The following SCARA3 variants were observed in gnomAD, a reference collection of about 807,000 sequenced individuals.
The protein encoded by SCARA3 is cellular stress response gene protein.
SCARA3 carries 39 observed loss-of-function variants against 47.0 expected under a neutral mutation model. The observed-to-expected ratio is 0.83, with a 90% CI of 0.64 to 1.08. The LOEUF is 1.08. SCARA3 is among the 50% of genes least tolerant of loss of function. The pLI, the probability that SCARA3 is intolerant of heterozygous loss-of-function variation, is 0.00. For missense variants in SCARA3, 724 were observed against 792.3 expected, an observed-to-expected ratio of 0.91 and a Z score of 1.04; for synonymous variants, 356 against 334.1, an observed-to-expected ratio of 1.07 and a Z score of -0.71.
In SCARA3 at chr8:27,642,761, C is replaced by T. The variant is rs146000798; in HGVS notation, c.8-6941C>T. On this transcript the variant is annotated intron_variant, in intron 1 of 5. Transcript: ENST00000301904. ...ATCGTTTGAACCCGGGAGGTCTAGGCGGCACTGAGCCATGATCGCACCACA... is the reference window on the plus strand; with the variant it reads ...ATCGTTTGAACCCGGGAGGTCTAGGTGGCACTGAGCCATGATCGCACCACA... Among the ~76,000 whole-genome samples, 232 of 152,158 alleles carry T rather than the reference C, an allele frequency of 1.5e-3. 6 individuals carry two copies. In the East Asian group the frequency reaches 0.023, roughly 15 times the overall value.
intron 5 of SCARA3, among the ~76,000 whole-genome samples, chr8:27,667,397 C>G (rs903854842): frequency 6.6e-6 from 1 of 152,202 alleles, no homozygotes; most frequent in Non-Finnish European, 1.5e-5. Context: ...TCTTCCTCCT[C>G]CAGGCAGCAC....
chr8:27,651,346 G>T (rs1253706952), intron 2 of SCARA3, among the ~76,000 whole-genome samples, 162 bp from the exon 3 acceptor site: 1 of 152,234 alleles, frequency 6.6e-6, no homozygotes, highest in Non-Finnish European at 1.5e-5. Flanking sequence ...AGCACCTAGA[G>T]AAAGGAGGTA....
At chr8:27,694,677 A>G in the SCARA3 span, among the ~76,000 whole-genome samples, 5 of 152,144 alleles carry the variant, frequency 3.3e-5, no homozygotes, top group Admixed American at 6.5e-5. Flanking sequence ...CAAGGAGCTT[A>G]CCTCCATGAT....
chr8:27,643,451 T>C, intron 1 of SCARA3, among the ~76,000 whole-genome samples: 1 of 152,152 alleles, frequency 6.6e-6, no homozygotes, highest in East Asian at 1.9e-4. Flanking sequence ...GGACAACTTG[T>C]TGAGCAAGAA....
At chr8:27,659,616 T>A (rs1801848065) in intron 5 of SCARA3, 77 bp downstream of exon 5, 1 of 1,305,952 alleles carries the variant, frequency 7.7e-7, no homozygotes, top group Non-Finnish European at 1.0e-6. Flanking sequence ...CAGAAGTACC[T>A]GGTTTTAGGC....
the SCARA3 span, among the ~76,000 whole-genome samples, chr8:27,698,473 G>A: frequency 6.6e-6 from 1 of 152,146 alleles, no homozygotes; most frequent in Non-Finnish European, 1.5e-5. Context: ...ATAAGGCAAG[G>A]ATCTCATCTC....
At chr8:27,719,614 C>T in the SCARA3 span, among the ~76,000 whole-genome samples, 12 of 151,650 alleles carry the variant, frequency 7.9e-5, no homozygotes, top group African/African-American at 2.7e-4. Flanking sequence ...TTCAGGGTAT[C>T]GGAGTTCTCA....
chr8:27,704,736 AG>A, the SCARA3 span, among the ~76,000 whole-genome samples: 1 of 150,522 alleles, frequency 6.6e-6, no homozygotes, highest in Non-Finnish European at 1.5e-5. Flanking sequence ...TCATATGACT[AG>A]TTTCTAGGAT....
rs141368241 is a variant in SCARA3, at chr8:27,661,797, G to A, written c.1369+2258G>A. Among the ~76,000 whole-genome samples, 134 of 152,194 alleles carry A rather than the reference G, an allele frequency of 8.8e-4. 1 individual carries two copies. Among genetic ancestry groups the A allele is most frequent in the African/African-American group, 2.9e-3 (119 of 41,488 alleles). On this transcript the variant is annotated intron_variant, in intron 5 of 5. Coordinates refer to ENST00000301904, the MANE Select transcript of SCARA3 (RefSeq NM_016240.3). ...AAACCTTCCCTCCTGAAGGGTCTGG[G>A]CTATAGTATTTCTACCTGGGTGGGG...
chr8:27,636,619 T>A (rs2128913767), intron 1 of SCARA3, among the ~76,000 whole-genome samples: 1 of 152,244 alleles, frequency 6.6e-6, no homozygotes, highest in Admixed American at 6.5e-5. Context: ...AAGCCCTGCC[T>A]CTCTCCTCCT....
At chr8:27,696,068 G>A in the SCARA3 span, among the ~76,000 whole-genome samples, 1 of 151,340 alleles carries the variant, frequency 6.6e-6, no homozygotes, top group African/African-American at 2.4e-5. Context: ...GGAGTGTAGT[G>A]GCATGATCAT....
intron 3 of SCARA3, among the ~76,000 whole-genome samples, chr8:27,654,803 GAA>G (rs67948560): frequency 0.16 from 16,103 of 100,684 alleles, 1,067 homozygotes; most frequent in East Asian, 0.37. Flanking sequence ...AAAAAAAAAA[GAA>G]AAAGAAAAAA....
chr8:27,633,515 G>A (rs1299243848), upstream of SCARA3, among the ~76,000 whole-genome samples: 1 of 152,180 alleles, frequency 6.6e-6, no homozygotes, highest in Non-Finnish European at 1.5e-5. Context: ...AACGTGCAGG[G>A]CTAAAATCTG....
At chr8:27,685,799 T>C in the SCARA3 span, among the ~76,000 whole-genome samples, 1 of 152,184 alleles carries the variant, frequency 6.6e-6, no homozygotes, top group South Asian at 2.1e-4. Flanking sequence ...TCTAGACCTA[T>C]CTTCAGTTTA....
chr8:27,667,899 G>A lies in SCARA3; in HGVS notation c.1370-3001G>A, dbSNP rs896476234. Among the ~76,000 whole-genome samples, 5 of 152,184 alleles carry A rather than the reference G, an allele frequency of 3.3e-5. No individual in the cohort carries two copies. The East Asian group carries it at 7.8e-4, about 24-fold the overall frequency. ...ATGTAGACAGGCCCCCGATAACATC[G>A]TCCACTCTATCTTCTCCCGGCCGCT... On this transcript the variant is annotated intron_variant, in intron 5 of 5. Coordinates refer to ENST00000301904, the MANE Select transcript of SCARA3 (RefSeq NM_016240.3).
chr8:27,708,482 C>A, the SCARA3 span, among the ~76,000 whole-genome samples: 10 of 152,062 alleles, frequency 6.6e-5, no homozygotes, highest in East Asian at 1.2e-3. Context: ...ATAGTAAGAG[C>A]TACACAATCT....
At chr8:27,654,684 C>T (rs1021930626) in intron 3 of SCARA3, among the ~76,000 whole-genome samples, 1 of 151,226 alleles carries the variant, frequency 6.6e-6, no homozygotes, top group Admixed American at 6.6e-5. Context: ...TGGCTACTTA[C>T]GAGGCTGAAG....
the SCARA3 span, chr8:27,697,528 A>T: frequency 6.6e-6 from 1 of 152,114 alleles, no homozygotes. Flanking sequence ...ATCATATCCC[A>T]CTGTGCCCTA....
At chr8:27,702,662 G>C in the SCARA3 span, 1 of 152,378 alleles carries the variant, frequency 6.6e-6, no homozygotes, top group Non-Finnish European at 1.5e-5. Flanking sequence ...GGGAGGCAGC[G>C]GCTTTAAACA....
Sources: gnomAD v4.1 joint callset for allele counts (sites outside exome capture counted in the v4.1 genomes callset) on GRCh38, gnomAD v4.1.1 for gene constraint, MANE v1.5 for transcripts, NCBI Gene and HGNC (gene_info 2026-07-23, HGNC 2026-07-21) for gene names.